TRPV2: variants seen among roughly 807,000 people sequenced by gnomAD.
TRPV2 encodes the protein transient receptor potential cation channel subfamily V member 2.
In TRPV2, 58 loss-of-function variants were observed where a neutral mutation model predicts 91.0. That is an observed-to-expected ratio of 0.64 (90% CI 0.52 to 0.79). The LOEUF (loss-of-function observed/expected upper bound fraction) is 0.79. Ranked by LOEUF, TRPV2 falls within the 30% of genes least tolerant of loss-of-function variation. TRPV2 has a pLI of 0.00. For synonymous variants in TRPV2, 417 were observed against 414.8 expected (o/e 1.01, Z -0.06); for missense variants, 807 against 969.6 (o/e 0.83, Z 2.23).
chr17:16,428,418 A>T (rs1568915661), intron 9 of TRPV2, 31 bp downstream of exon 9: 1 of 1,608,376 alleles, frequency 6.2e-7, no homozygotes, highest in Non-Finnish European at 8.5e-7. Flanking sequence ...CCTTCTCTCA[A>T]CTGTCTCTGA....
In TRPV2 at chr17:16,417,648, G is replaced by A. The variant is rs202004299; in HGVS notation, c.-21G>A. On this transcript the variant is annotated 5_prime_UTR_variant, in exon 2 of 15. Transcript: ENST00000338560. Reference sequence around the variant, plus strand: ...TCTGCACAGAGGTCCTGGCTGGACCGAGCAGCCTCCTCCTCCTAGGATGAC... The same window carrying A: ...TCTGCACAGAGGTCCTGGCTGGACCAAGCAGCCTCCTCCTCCTAGGATGAC... 6.9e-5 allele frequency: 111 copies of A among 1,613,030 alleles called. No individual in the cohort carries two copies. Among genetic ancestry groups the A allele is most frequent in the East Asian group, 4.7e-4 (21 of 44,860 alleles).
chr17:16,420,075 G>T, intron 2 of TRPV2, 40 bp from the exon 3 acceptor site: 1 of 1,598,104 alleles, frequency 6.3e-7, no homozygotes, highest in Non-Finnish European at 8.6e-7. Flanking sequence ...GGGGCCTGTG[G>T]TTCTTCTCCA....
intron 4 of TRPV2, 99 bp from the exon 5 acceptor site, chr17:16,423,370 C>G: frequency 1.5e-6 from 2 of 1,366,854 alleles, no homozygotes; most frequent in Non-Finnish European, 2.0e-6. Flanking sequence ...AGAAGCCTGA[C>G]CTGTTTCAAG....
intron 8 of TRPV2, 89 bp from the exon 9 acceptor site, chr17:16,428,228 C>A: frequency 1.6e-6 from 2 of 1,234,170 alleles, no homozygotes; most frequent in Non-Finnish European, 2.4e-6. Flanking sequence ...TTAGCTCTAG[C>A]CTGGGTGGCA....
Position 16,428,314 on chromosome 17 carries a change from C to T in TRPV2, c.1351-3C>T, listed in dbSNP as rs765974214. 2 of 1,614,208 alleles carry T rather than the reference C, an allele frequency of 1.2e-6. No homozygotes were observed. The highest frequency in any genetic ancestry group is 2.2e-5 in the South Asian group (2 of 91,092). On this transcript the variant is annotated splice_region_variant and splice_polypyrimidine_tract_variant and intron_variant, in intron 8 of 14. Coordinates refer to ENST00000338560, the MANE Select transcript of TRPV2 (RefSeq NM_016113.5). ...CAGCCCTCTGTCCTCCCTTCCTCCG[C>T]AGCTGTGGTACTTCTGGCGGCGCCA...
chr17:16,420,299 T>C lies in TRPV2; in HGVS notation c.334+51T>C, dbSNP rs748732670. 6.2e-6 allele frequency: 9 copies of C among 1,457,034 alleles called. No individual in the cohort carries two copies. In the Admixed American group the frequency reaches 1.1e-4, roughly 17 times the overall value. The allele number at this position is 1,457,034 out of a possible 1,614,324, so 90.3% of individuals were successfully genotyped here. ...GCTAGGCATCCTGTGAGCTGATAGTTAGGTGGGCTGTGTGGGCTTGATCCC... is the reference window on the plus strand; with the variant it reads ...GCTAGGCATCCTGTGAGCTGATAGTCAGGTGGGCTGTGTGGGCTTGATCCC... On this transcript the variant is annotated intron_variant, in intron 3 of 14. Transcript: ENST00000338560.
chr17:16,433,360 T>G, intron 12 of TRPV2: 1 of 574,376 alleles, frequency 1.7e-6, no homozygotes, highest in Non-Finnish European at 3.0e-6. Flanking sequence ...TTGTCCTCAG[T>G]CTACAAATGG....
chr17:16,434,741 G>C, intron 13 of TRPV2, 149 bp from the exon 14 acceptor site: 1 of 673,474 alleles, frequency 1.5e-6, no homozygotes, highest in South Asian at 2.1e-5. Context: ...CCAGAACCCT[G>C]CAGAGAAAAA....
At chr17:16,423,006 G>A (rs2093365845) in intron 4 of TRPV2, 117 bp downstream of exon 4, 12 of 1,273,262 alleles carry the variant, frequency 9.4e-6, no homozygotes, top group South Asian at 1.5e-5. Flanking sequence ...TGACCCCGAT[G>A]CCCTGCTTCT....
intron 3 of TRPV2, among the ~76,000 whole-genome samples, chr17:16,421,311 T>C (rs2093355433): frequency 1.3e-5 from 2 of 151,648 alleles, no homozygotes; most frequent in South Asian, 4.2e-4. Flanking sequence ...CCCGGGCTCA[T>C]GCCATTCTCC....
chr17:16,431,038 T>C (rs2093407210), intron 10 of TRPV2, among the ~76,000 whole-genome samples: 1 of 133,996 alleles, frequency 7.5e-6, no homozygotes, highest in South Asian at 2.3e-4. Flanking sequence ...CCCTGGAAGG[T>C]TTTTTTTTTT....
At chr17:16,428,621 T>A (rs1657666430) in intron 9 of TRPV2, 196 bp from the exon 10 acceptor site, 1 of 708,748 alleles carries the variant, frequency 1.4e-6, no homozygotes, top group African/African-American at 1.8e-5. Flanking sequence ...CATACCTGTT[T>A]CACTTAGTCC....
At position 16,417,812 on chromosome 17, in the gene TRPV2, G is replaced by C. The variant is rs768838653; in HGVS notation, c.144G>C (p.Arg48=). The C allele has an allele frequency of 1.2e-6, 2 of 1,614,226 alleles. No individual in the cohort carries two copies. The highest frequency in any genetic ancestry group is 1.7e-6 in the Non-Finnish European group (2 of 1,180,038). The change falls in exon 2 of 15, where the codon CGG becomes CGC. Residue 48 remains arginine (R), a synonymous_variant. Transcript: ENST00000338560. ...AGTCACAGTTCCAGGGCGAGGACCG[G>C]AAATTCGCCCCTCAGATAAGAGTCA... ...PMESQFQGED[R]KFAPQIRVNL...
Position 16,428,850 on chromosome 17 carries a change from G to C in TRPV2, c.1455G>C (p.Gln485His). The change falls in exon 10 of 15, where the codon CAG becomes CAC. Residue 485 changes from glutamine (Q) to histidine (H), a missense_variant. By Grantham distance (24) the Gln-to-His change is conservative. Transcript: ENST00000338560. Reference sequence around the variant, plus strand: ...AGGCCCTGCTCACAGTGGTGTCCCAGGTGCTGTGTTTCCTGGCCATCGAGT... The same window carrying C: ...AGGCCCTGCTCACAGTGGTGTCCCACGTGCTGTGTTTCCTGGCCATCGAGT... ...LFQALLTVVS[Q>H]VLCFLAIEWY... The C allele has an allele frequency of 6.2e-7, 1 of 1,613,878 alleles. No individual in the cohort carries two copies. Among genetic ancestry groups the C allele is most frequent in the Non-Finnish European group, 8.5e-7 (1 of 1,180,010 alleles).
intron 3 of TRPV2, among the ~76,000 whole-genome samples, chr17:16,422,397 T>C (rs2093362308): frequency 6.6e-6 from 1 of 152,012 alleles, no homozygotes; most frequent in South Asian, 2.1e-4. Context: ...GCAGAAATTG[T>C]AGTCATGTCT....
Position 16,417,586 on chromosome 17 carries a change from C to A in TRPV2, c.-83C>A. ...GGCTCCAGTCAGGCCAACACCGACG[C>A]GCAGCTGGGAGGAAGACAGGACCCT... On this transcript the variant is annotated 5_prime_UTR_variant, in exon 2 of 15. Transcript: ENST00000338560. 1 of 1,478,056 alleles carries A rather than the reference C, an allele frequency of 6.8e-7. No individual in the cohort carries two copies. The highest frequency in any genetic ancestry group is 9.4e-7 in the Non-Finnish European group (1 of 1,067,668). 91.6% of individuals were successfully genotyped at this position (1,478,056 alleles called of 1,614,324 possible). A position where few individuals can be genotyped will look rare whatever the true frequency, so the allele number is the denominator to read the frequency against.
rs1479792611 is a variant in TRPV2 at position 16,423,753 on chromosome 17, G to A, written c.910G>A (p.Glu304Lys). ...DLTPLKLAAK[E>K]GKIEIFRHIL... Reference sequence around the variant, plus strand: ...CACGCCTCTGAAGCTGGCCGCCAAGGAGGGCAAGATCGAGGTGAGCGGCTG... The same window carrying A: ...CACGCCTCTGAAGCTGGCCGCCAAGAAGGGCAAGATCGAGGTGAGCGGCTG... Residue 304 changes from glutamate (E) to lysine (K), a missense_variant, in exon 5 of 15, where the codon GAG becomes AAG. By Grantham distance (56) the Glu-to-Lys change is moderately conservative. Coordinates refer to ENST00000338560, the MANE Select transcript of TRPV2 (RefSeq NM_016113.5). 2 of 1,584,532 alleles carry A rather than the reference G, an allele frequency of 1.3e-6. No homozygotes were observed. The highest frequency in any genetic ancestry group is 3.4e-5 in the Admixed American group (2 of 59,232).
Position 16,431,917 on chromosome 17 carries a change from C to T in TRPV2, c.1655-49C>T, listed in dbSNP as rs371189541. On this transcript the variant is annotated intron_variant, in intron 11 of 14. Coordinates refer to ENST00000338560, the MANE Select transcript of TRPV2 (RefSeq NM_016113.5). The stretch of plus-strand genomic sequence containing the variant: ...TTGTCCACCCTGTACACTCCCAAGG[C>T]TGCCCACCGGTCTCCTGGGCTAAGG... 17 of 1,612,670 alleles carry T rather than the reference C, an allele frequency of 1.1e-5. 1 individual carries two copies. In the African/African-American group the frequency reaches 1.6e-4, roughly 15 times the overall value.
chr17:16,429,396 C>T lies in TRPV2; in HGVS notation c.1587+414C>T, dbSNP rs115348938. On this transcript the variant is annotated intron_variant, in intron 10 of 14. Coordinates refer to ENST00000338560, the MANE Select transcript of TRPV2 (RefSeq NM_016113.5). ...TAGGTGTTGGGAATATAGCAGAGAA[C>T]AGAACAAGTCCTTGCTCCCCTGAAG... Among the ~76,000 whole-genome samples, 647 of 152,274 alleles carry T rather than the reference C, an allele frequency of 4.2e-3. 5 individuals are homozygous for T. Among genetic ancestry groups the T allele is most frequent in the African/African-American group, 0.014 (563 of 41,548 alleles).
Sources: allele counts gnomAD v4.1 joint callset (sites outside exome capture counted in the v4.1 genomes callset), GRCh38; gene constraint gnomAD v4.1.1; transcripts MANE v1.5; gene names NCBI Gene and HGNC (gene_info 2026-07-23, HGNC 2026-07-21).